Variants in IL7 observed in about 807,000 individuals in gnomAD.
The protein encoded by IL7 is interleukin-7.
IL7 carries 3 observed loss-of-function variants against 21.6 expected under a neutral mutation model. The ratio of observed to expected loss-of-function variants is 0.14; its 90% CI spans 0.06 to 0.36. IL7 has a LOEUF of 0.36. Among genes scored for constraint, IL7 ranks in the 10% least tolerant of loss-of-function variants. The pLI is 1.00. For missense variants in IL7, 175 were observed against 200.2 expected, an observed-to-expected ratio of 0.87 and a Z score of 0.76; for synonymous variants, 62 against 68.1, an observed-to-expected ratio of 0.91 and a Z score of 0.44.
chr8:78,788,171 C>CT (rs1813572589), intron 2 of IL7, among the ~76,000 whole-genome samples: 1 of 151,922 alleles, frequency 6.6e-6, no homozygotes, highest in Non-Finnish European at 1.5e-5. Context: ...TGGCTGGAGG[C>CT]TTATTAATTT....
chr8:78,779,963 G>T (rs1161238094), intron 2 of IL7, among the ~76,000 whole-genome samples: 1 of 152,010 alleles, frequency 6.6e-6, no homozygotes, highest in Non-Finnish European at 1.5e-5. Context: ...GTTCAGTCTT[G>T]GGAGTATATA....
At chr8:78,794,042 A>C (rs903785113) in intron 2 of IL7, among the ~76,000 whole-genome samples, 6 of 152,092 alleles carry the variant, frequency 3.9e-5, no homozygotes, top group South Asian at 2.1e-4. Flanking sequence ...TGCTATTTCT[A>C]CCATATCTGC....
intron 2 of IL7, among the ~76,000 whole-genome samples, chr8:78,765,684 A>G (rs1812733812): frequency 6.6e-6 from 1 of 152,096 alleles, no homozygotes; most frequent in African/African-American, 2.4e-5. Context: ...ACCACAGTAA[A>G]TGCTGGCAAG....
intron 2 of IL7, among the ~76,000 whole-genome samples, chr8:78,767,768 T>C (rs560191628): frequency 1.2e-3 from 186 of 152,164 alleles, no homozygotes; most frequent in Non-Finnish European, 1.8e-3. Flanking sequence ...GGAGTAATCT[T>C]TTTTATTTTA....
At chr8:78,763,732 C>A (rs1337921660) in intron 2 of IL7, among the ~76,000 whole-genome samples, 15 of 152,104 alleles carry the variant, frequency 9.9e-5, no homozygotes, top group Admixed American at 9.8e-4. Context: ...TTGCTGAATT[C>A]TATCAAATAG....
At chr8:78,790,645 T>G (rs12549704) in intron 2 of IL7, among the ~76,000 whole-genome samples, 4,291 of 152,150 alleles carry the variant, frequency 0.028, 89 homozygotes, top group Middle Eastern at 0.078. Context: ...TAGGTAAGTA[T>G]ACAAGGAGTG....
chr8:78,697,366 A>C lies in IL7; in HGVS notation n.215-11419T>G, dbSNP rs1302626754. The C allele has an allele frequency of 4.7e-6, 7 of 1,497,778 alleles. No homozygotes were observed. The East Asian group carries it at 1.4e-4, about 30-fold the overall frequency. 92.8% of individuals were successfully genotyped at this position (1,497,778 alleles called of 1,614,324 possible). On this transcript the variant is annotated intron_variant and non_coding_transcript_variant, in intron 3 of 4. Transcript: ENST00000523959. ...AACCACTACTTTACAATCCATAATC[A>C]AAAAGTGATGTTGATTAATATTTTT...
At chr8:78,706,979 T>C (rs946323912) in intron 3 of IL7, among the ~76,000 whole-genome samples, 7 of 152,202 alleles carry the variant, frequency 4.6e-5, no homozygotes, top group Admixed American at 2.0e-4. Flanking sequence ...AAAGAGACAG[T>C]TTATCAGTAG....
chr8:78,801,285 G>A (rs181229828), intron 1 of IL7, among the ~76,000 whole-genome samples: 1 of 152,264 alleles, frequency 6.6e-6, no homozygotes, highest in African/African-American at 2.4e-5. Context: ...GTTCCATTAA[G>A]AGTGCACATA....
chr8:78,786,401 T>G (rs757740705), intron 2 of IL7, among the ~76,000 whole-genome samples: 2 of 152,172 alleles, frequency 1.3e-5, no homozygotes, highest in Non-Finnish European at 2.9e-5. Context: ...GCACCTTCCA[T>G]GAATGGAGCT....
chr8:78,734,416 G>GT (rs1811505804), intron 5 of IL7, among the ~76,000 whole-genome samples: 1 of 152,154 alleles, frequency 6.6e-6, no homozygotes, highest in South Asian at 2.1e-4. Flanking sequence ...ATATAAAGGA[G>GT]TAACTCTGTA....
chr8:78,696,569 C>T (rs1586010403), intron 3 of IL7, among the ~76,000 whole-genome samples: 1 of 151,534 alleles, frequency 6.6e-6, no homozygotes, highest in South Asian at 2.1e-4. Flanking sequence ...AAATTTGGCT[C>T]AAAAAGAGAA....
chr8:78,686,396 A>C, intron 3 of IL7: 1 of 1,145,872 alleles, frequency 8.7e-7, no homozygotes, highest in Non-Finnish European at 1.1e-6. Context: ...GAATTATCTG[A>C]TGTTTTATTT....
At chr8:78,797,778 G>C in intron 2 of IL7, 1 of 228,714 alleles carries the variant, frequency 4.4e-6, no homozygotes, top group Non-Finnish European at 8.6e-6. Flanking sequence ...GTAAATGGGA[G>C]GTGAGGAAAT....
rs574829013 is a variant in IL7, at chr8:78,769,066, C to T, written c.148-28984G>A. Among the ~76,000 whole-genome samples the T allele has an allele frequency of 1.8e-4, 28 of 152,284 alleles. No individual in the cohort carries two copies. In the South Asian group the frequency reaches 5.2e-3, roughly 28 times the overall value. ...ATAAGAGCTATCTATGACAAACCCA[C>T]AGCCAATATCATACTGAATGGGCAA... On this transcript the variant is annotated intron_variant, in intron 2 of 5. Transcript: ENST00000263851.
chr8:78,760,200 A>G (rs1812502302), intron 2 of IL7: 1 of 1,567,536 alleles, frequency 6.4e-7, no homozygotes, highest in Admixed American at 1.9e-5. Flanking sequence ...ACTTGTATAG[A>G]GTTTAATATA....
chr8:78,698,614 A>T, intron 3 of IL7: 1 of 889,998 alleles, frequency 1.1e-6, no homozygotes, highest in Non-Finnish European at 1.6e-6. Flanking sequence ...TTCATTTCCT[A>T]AGTTCATTTG....
intron 2 of IL7, among the ~76,000 whole-genome samples, chr8:78,767,545 T>G (rs72661364): frequency 0.044 from 6,697 of 152,140 alleles, 210 homozygotes; most frequent in Middle Eastern, 0.082. Flanking sequence ...ATCATTCTAA[T>G]GAAAGGGAGG....
At chr8:78,770,022 A>G (rs1180117082) in intron 2 of IL7, among the ~76,000 whole-genome samples, 1 of 152,194 alleles carries the variant, frequency 6.6e-6, no homozygotes, top group Non-Finnish European at 1.5e-5. Context: ...TACACCTGAT[A>G]CAAAAAATAA....
Sources: gnomAD v4.1 joint callset for allele counts (sites outside exome capture counted in the v4.1 genomes callset) on GRCh38, gnomAD v4.1.1 for gene constraint, MANE v1.5 for transcripts, NCBI Gene and HGNC (gene_info 2026-07-23, HGNC 2026-07-21) for gene names.